Variants in PUDP observed in about 807,000 individuals in gnomAD.
PUDP encodes pseudouridine 5'-phosphatase.
PUDP carries 8 observed loss-of-function variants against 9.4 expected under a neutral mutation model. The observed-to-expected ratio is 0.85, with a 90% confidence interval of 0.50 to 1.53. The LOEUF is 1.53. Ranked by LOEUF, PUDP falls within the 40% of genes most tolerant of loss-of-function variation. The pLI is 0.00. For missense variants in PUDP, 188 were observed against 189.7 expected, an observed-to-expected ratio of 0.99 and a Z score of 0.05; for synonymous variants, 99 against 80.7, an observed-to-expected ratio of 1.23 and a Z score of -1.22.
chrX:7,023,880 T>G (rs1363724939), intron 1 of PUDP, among the ~76,000 whole-genome samples: 1 of 112,345 alleles, frequency 8.9e-6, no homozygotes, highest in Non-Finnish European at 1.9e-5. Flanking sequence ...TTATGTCTCC[T>G]TTTATTTCTC....
At chrX:6,839,689 G>A (rs1439898416) in intron 3 of PUDP, among the ~76,000 whole-genome samples, 1 of 111,528 alleles carries the variant, frequency 9.0e-6, no homozygotes, top group Non-Finnish European at 1.9e-5. Context: ...CTATTAGAAT[G>A]GCCAAAATCC....
At chrX:6,753,367 G>A (rs772714675) in intron 3 of PUDP, among the ~76,000 whole-genome samples, 3 of 112,364 alleles carry the variant, frequency 2.7e-5, no homozygotes, top group South Asian at 3.7e-4. Context: ...TTATCCAGTC[G>A]TTGAGTGATG....
chrX:6,771,741 G>T (rs948533939), intron 3 of PUDP, among the ~76,000 whole-genome samples: 2 of 112,516 alleles, frequency 1.8e-5, no homozygotes, highest in African/African-American at 6.5e-5. Flanking sequence ...TCAAGGCCAG[G>T]GATTGGCAGA....
chrX:6,979,808 T>C (rs6639740), intron 1 of PUDP, among the ~76,000 whole-genome samples: 40,798 of 110,246 alleles, frequency 0.37, 5,581 homozygotes, highest in Non-Finnish European at 0.41. Flanking sequence ...GAGAAAGAAT[T>C]GATAAAAATT....
At chrX:7,005,798 T>C (rs1446311749) in intron 1 of PUDP, among the ~76,000 whole-genome samples, 1 of 111,209 alleles carries the variant, frequency 9.0e-6, no homozygotes, top group East Asian at 2.8e-4. Flanking sequence ...TTTTTCATCT[T>C]GCAACAGGGA....
rs188964578 is a variant in PUDP at position 6,763,266 on chromosome X, G to A, written c.*248-56800C>T. Among the ~76,000 whole-genome samples the A allele has an allele frequency of 3.6e-5, 4 of 111,268 alleles. No individual in the cohort carries two copies. In the East Asian group the frequency reaches 1.1e-3, roughly 32 times the overall value. On this transcript the variant is annotated intron_variant and NMD_transcript_variant, in intron 3 of 3. Transcript: ENST00000655425. ...TAGCCGGGTGTGGTGATGTGTGCCT[G>A]TGGTCCCAGCTACTTGGGAGGCTGA...
chrX:6,788,856 G>A (rs971746765), intron 3 of PUDP, among the ~76,000 whole-genome samples: 1 of 112,462 alleles, frequency 8.9e-6, no homozygotes, highest in African/African-American at 3.2e-5. Context: ...GAAATAAAGG[G>A]TCACAGTGAG....
chrX:7,020,226 T>C (rs1929612402), intron 1 of PUDP, among the ~76,000 whole-genome samples: 1 of 110,788 alleles, frequency 9.0e-6, no homozygotes, highest in Admixed American at 9.6e-5. Context: ...GATGCCACCA[T>C]GTTGAGCCAG....
At chrX:6,990,092 A>T (rs1003821218) in intron 1 of PUDP, among the ~76,000 whole-genome samples, 2 of 110,409 alleles carry the variant, frequency 1.8e-5, no homozygotes, top group African/African-American at 6.6e-5. Context: ...CACGCCCTAC[A>T]TTCAAACACC....
chrX:7,120,892 G>C (rs1254468067), intron 1 of PUDP, among the ~76,000 whole-genome samples: 1 of 112,068 alleles, frequency 8.9e-6, no homozygotes, highest in African/African-American at 3.2e-5. Flanking sequence ...ATTAAAAAAA[G>C]AACATATACT....
At chrX:6,881,311 T>C (rs1183927749) in intron 3 of PUDP, among the ~76,000 whole-genome samples, 4 of 112,229 alleles carry the variant, frequency 3.6e-5, no homozygotes, top group Non-Finnish European at 7.5e-5. Context: ...AGGAAGAGCA[T>C]CTTATAAGTA....
At chrX:7,065,255 G>A (rs186401385) in intron 3 of PUDP, among the ~76,000 whole-genome samples, 16 of 112,212 alleles carry the variant, frequency 1.4e-4, no homozygotes, top group Non-Finnish European at 2.3e-4. Flanking sequence ...GGGTCCCACC[G>A]TTCCCTACCT....
chrX:7,100,036 C>T (rs1163528519), intron 2 of PUDP, among the ~76,000 whole-genome samples: 3 of 101,406 alleles, frequency 3.0e-5, no homozygotes, highest in Non-Finnish European at 6.0e-5. Context: ...TCCCGTCCCC[C>T]TCCCCGGCCC....
At chrX:6,877,302 T>C (rs936588525) in intron 3 of PUDP, among the ~76,000 whole-genome samples, 1 of 110,965 alleles carries the variant, frequency 9.0e-6, no homozygotes, top group Admixed American at 9.7e-5. Context: ...TGGGTCTTCT[T>C]TCAGAGGACA....
intron 3 of PUDP, among the ~76,000 whole-genome samples, chrX:6,930,286 C>T (rs1928169138): frequency 9.0e-6 from 1 of 111,249 alleles, no homozygotes. Context: ...AGGAGGTCAG[C>T]AGGACTGGTG....
In PUDP at chrX:6,777,870, A is replaced by C. The variant is rs746520657; in HGVS notation, c.*248-71404T>G. Among the ~76,000 whole-genome samples, 7 of 111,993 alleles carry C rather than the reference A, an allele frequency of 6.3e-5. No individual in the cohort carries two copies. In the South Asian group the frequency reaches 1.5e-3, roughly 24 times the overall value. On this transcript the variant is annotated intron_variant and NMD_transcript_variant, in intron 3 of 3. Coordinates refer to the PUDP transcript ENST00000655425. ...TACCCGGAAACAGGTAAGGCTATCC[A>C]TTTTCACCAGTTGACTGTAAAAAGC... is the stretch of plus-strand genomic sequence containing the variant.
intron 3 of PUDP, among the ~76,000 whole-genome samples, chrX:6,806,624 T>C (rs1335364914): frequency 8.9e-6 from 1 of 112,033 alleles, no homozygotes; most frequent in Non-Finnish European, 1.9e-5. Flanking sequence ...CCACCATGCA[T>C]GGCCTAGGTG....
chrX:7,094,140 CA>C (rs1383602707), intron 2 of PUDP, among the ~76,000 whole-genome samples: 2 of 110,213 alleles, frequency 1.8e-5, no homozygotes, highest in Non-Finnish European at 3.8e-5. Flanking sequence ...ACAAACAAAG[CA>C]AAAAATATAA....
chrX:7,091,761 A>G (rs1373421773), intron 2 of PUDP, among the ~76,000 whole-genome samples: 5 of 112,297 alleles, frequency 4.5e-5, no homozygotes, highest in African/African-American at 1.6e-4. Context: ...TTTGCCAGAA[A>G]GCTGCTTACA....
Sources: gnomAD v4.1 joint callset for allele counts (sites outside exome capture counted in the v4.1 genomes callset) on GRCh38, gnomAD v4.1.1 for gene constraint, MANE v1.5 for transcripts, NCBI Gene and HGNC (gene_info 2026-07-23, HGNC 2026-07-21) for gene names.